The following NDUFB5 variants were observed in gnomAD, a reference collection of about 807,000 sequenced individuals.
NDUFB5 encodes NADH:ubiquinone oxidoreductase subunit B5.
In NDUFB5, 19 loss-of-function variants were observed where a neutral mutation model predicts 19.4. That is an observed-to-expected ratio of 0.98 (90% CI 0.68 to 1.43). The LOEUF (loss-of-function observed/expected upper bound fraction) is 1.43, where lower values mean the gene tolerates loss of function less well. NDUFB5 is among the 40% of genes most tolerant of loss of function. NDUFB5 has a pLI of 0.00. For synonymous variants in NDUFB5, 80 were observed against 82.6 expected (o/e 0.97, Z 0.17); for missense variants, 233 against 236.5 (o/e 0.99, Z 0.10).
At chr3:179,612,712 G>A (rs1719278137) in intron 1 of NDUFB5, among the ~76,000 whole-genome samples, 1 of 151,846 alleles carries the variant, frequency 6.6e-6, no homozygotes, top group Non-Finnish European at 1.5e-5. Flanking sequence ...TCCTGATCTC[G>A]TGAGCCGCCC....
chr3:179,622,549 AC>A (rs1719566688), intron 5 of NDUFB5, among the ~76,000 whole-genome samples: 1 of 152,198 alleles, frequency 6.6e-6, no homozygotes, highest in African/African-American at 2.4e-5. Flanking sequence ...GTTACTACAT[AC>A]AGATTCTCCT....
At chr3:179,615,371 A>G (rs1719350393) in intron 2 of NDUFB5, 1 of 257,192 alleles carries the variant, frequency 3.9e-6, no homozygotes, top group Non-Finnish European at 7.9e-6. Context: ...TTAAATTACC[A>G]AAGAACTTGT....
intron 1 of NDUFB5, among the ~76,000 whole-genome samples, chr3:179,611,923 G>A: frequency 6.6e-6 from 1 of 151,942 alleles, no homozygotes; most frequent in Middle Eastern, 3.2e-3. Context: ...GTGTCAGGAG[G>A]TTCAGGGTTC....
chr3:179,624,996 G>A lies in NDUFB5; in HGVS notation c.*956G>A. ...CAGTAAAGACTGTTTCGCTGTGTTG[G>A]CCAGGCTGGTCTTGAACTTCTGACC... On this transcript the variant is annotated 3_prime_UTR_variant, in exon 6 of 6. Coordinates refer to ENST00000259037, the MANE Select transcript of NDUFB5 (RefSeq NM_002492.4). 1 of 151,804 alleles carries A rather than the reference G, an allele frequency of 6.6e-6. No homozygotes were observed. Among genetic ancestry groups the A allele is most frequent in the Non-Finnish European group, 1.5e-5 (1 of 67,954 alleles). The allele number at this position is 151,804 out of a possible 1,614,324, so 9.4% of individuals were successfully genotyped here. A position where few individuals can be genotyped will look rare whatever the true frequency, so the allele number is the denominator to read the frequency against.
At chr3:179,605,068 A>G in intron 1 of NDUFB5, 129 bp downstream of exon 1, 1 of 1,314,782 alleles carries the variant, frequency 7.6e-7, no homozygotes, top group East Asian at 2.8e-5. Flanking sequence ...GCTTGACAGG[A>G]GAGACGGAGC....
intron 5 of NDUFB5, among the ~76,000 whole-genome samples, chr3:179,620,330 G>A (rs1011821863): frequency 6.6e-6 from 1 of 151,592 alleles, no homozygotes; most frequent in Non-Finnish European, 1.5e-5. Flanking sequence ...TATGGTTTTA[G>A]GTCTAACATT....
chr3:179,616,538 TC>T lies in NDUFB5; in HGVS notation c.281-436del, dbSNP rs879760571. Among the ~76,000 whole-genome samples the T allele has an allele frequency of 3.0e-3, 431 of 143,752 alleles. 2 individuals are homozygous for T. The highest frequency in any genetic ancestry group is 4.4e-3 in the Admixed American group (63 of 14,312). The allele number at this position is 143,752 out of a possible 152,430, so 94.3% of individuals were successfully genotyped here. ...GCCCGGGCAACAGAGTGAGACTCTG[TC>T]CCCCCCCCAAAAAAAAACTATAATC... On this transcript the variant is annotated intron_variant, in intron 3 of 5. Coordinates refer to ENST00000259037, the MANE Select transcript of NDUFB5 (RefSeq NM_002492.4).
chr3:179,619,809 C>T (rs1037974399), intron 5 of NDUFB5, among the ~76,000 whole-genome samples: 1 of 152,120 alleles, frequency 6.6e-6, no homozygotes, highest in Admixed American at 6.6e-5. Context: ...GTTTACAGTC[C>T]CACCAACAGT....
At chr3:179,605,026 C>A in intron 1 of NDUFB5, 87 bp downstream of exon 1, 1 of 1,423,136 alleles carries the variant, frequency 7.0e-7, no homozygotes. Flanking sequence ...TGGTGGGATC[C>A]GGAGGGAGCC....
Position 179,627,275 on chromosome 3 carries a change from A to T in NDUFB5, c.*3235A>T, listed in dbSNP as rs1440877094. The T allele has an allele frequency of 6.6e-6, 1 of 152,218 alleles. No individual in the cohort carries two copies. Among genetic ancestry groups the T allele is most frequent in the Non-Finnish European group, 1.5e-5 (1 of 68,042 alleles). 9.4% of individuals were successfully genotyped at this position (152,218 alleles called of 1,614,324 possible). The stretch of plus-strand genomic sequence containing the variant: ...AAGAAAACCCAATTCCCCCTGAGAA[A>T]GAGAAAGAGCTGGAGTCCTTTAAAA... On this transcript the variant is annotated 3_prime_UTR_variant, in exon 6 of 6. Coordinates refer to ENST00000259037, the MANE Select transcript of NDUFB5 (RefSeq NM_002492.4).
chr3:179,623,814 A>T (rs1235934862), intron 5 of NDUFB5, 106 bp from the exon 6 acceptor site: 1 of 1,386,886 alleles, frequency 7.2e-7, no homozygotes, highest in African/African-American at 1.4e-5. Flanking sequence ...GGAGCATTAT[A>T]CTTTACATAA....
chr3:179,616,062 C>T lies in NDUFB5; in HGVS notation c.280+13C>T. The T allele has an allele frequency of 1.2e-6, 2 of 1,606,986 alleles. No individual in the cohort carries two copies. The highest frequency in any genetic ancestry group is 4.5e-5 in the East Asian group (2 of 44,778). On this transcript the variant is annotated intron_variant, in intron 3 of 5. Transcript: ENST00000259037. ...AATGTATTCATTGGTAAGTCACTTC[C>T]ATCCCCTGCCAGCACCACCAGATTG...
At position 179,626,199 on chromosome 3, in the gene NDUFB5, A is replaced by G. The variant is rs964507510; in HGVS notation, c.*2159A>G. ...ATTATGGTTGAGCATTTTTTCACAT[A>G]TCTAATGGCCATTCATATGTCTTCC... On this transcript the variant is annotated 3_prime_UTR_variant, in exon 6 of 6. Coordinates refer to ENST00000259037, the MANE Select transcript of NDUFB5 (RefSeq NM_002492.4). The G allele has an allele frequency of 6.6e-6, 1 of 151,904 alleles. No homozygotes were observed. Among genetic ancestry groups the G allele is most frequent in the Admixed American group, 6.6e-5 (1 of 15,242 alleles). 9.4% of individuals were successfully genotyped at this position (151,904 alleles called of 1,614,324 possible).
Position 179,625,943 on chromosome 3 carries a change from A to T in NDUFB5, c.*1903A>T, listed in dbSNP as rs533028230. 1.3e-5 allele frequency: 2 copies of T among 152,338 alleles called. No homozygotes were observed. Among genetic ancestry groups the T allele is most frequent in the East Asian group, 3.9e-4 (2 of 5,184 alleles). 9.4% of individuals were successfully genotyped at this position (152,338 alleles called of 1,614,324 possible). On this transcript the variant is annotated 3_prime_UTR_variant, in exon 6 of 6. Transcript: ENST00000259037. ...TATATCCATTTATCTGTTGATGGACACAGGTTGCAAAGGGATTGCTGGATT... is the reference window on the plus strand; with the variant it reads ...TATATCCATTTATCTGTTGATGGACTCAGGTTGCAAAGGGATTGCTGGATT...
chr3:179,611,872 A>C (rs1719251155), intron 1 of NDUFB5, among the ~76,000 whole-genome samples: 1 of 152,144 alleles, frequency 6.6e-6, no homozygotes, highest in Non-Finnish European at 1.5e-5. Flanking sequence ...TTAATGGAGA[A>C]ATTTCAGGCT....
chr3:179,608,666 T>C (rs1719164517), intron 1 of NDUFB5, among the ~76,000 whole-genome samples: 1 of 149,382 alleles, frequency 6.7e-6, no homozygotes, highest in Non-Finnish European at 1.5e-5. Flanking sequence ...AATCTATAAT[T>C]AAGGTCTGAG....
At chr3:179,623,478 A>G (rs1170860970) in intron 5 of NDUFB5, among the ~76,000 whole-genome samples, 1 of 152,198 alleles carries the variant, frequency 6.6e-6, no homozygotes, top group Non-Finnish European at 1.5e-5. Context: ...GTTAGAGACC[A>G]GCCTGGCCAA....
chr3:179,605,058 G>T, intron 1 of NDUFB5, 119 bp downstream of exon 1: 2 of 1,363,968 alleles, frequency 1.5e-6, no homozygotes, highest in Non-Finnish European at 1.9e-6. Flanking sequence ...TGGGCTTGGG[G>T]CTTGACAGGA....
rs1365435179 is a variant in NDUFB5, at chr3:179,624,091, TAATA to T, written c.*56_*59del. 6.9e-5 allele frequency: 102 copies of T among 1,486,462 alleles called. No homozygotes were observed. Among genetic ancestry groups the T allele is most frequent in the Non-Finnish European group, 9.1e-5 (99 of 1,091,622 alleles). The allele number at this position is 1,486,462 out of a possible 1,614,324, so 92.1% of individuals were successfully genotyped here. On this transcript the variant is annotated 3_prime_UTR_variant, in exon 6 of 6. Transcript: ENST00000259037. Reference sequence around the variant, plus strand: ...ATATTCTCTTTATTGGAAAATAAATTAATAAATATATTCTGTATTTTTGCTCTCC... The same window carrying T: ...ATATTCTCTTTATTGGAAAATAAATTAATATATTCTGTATTTTTGCTCTCC...
Sources: allele counts gnomAD v4.1 joint callset (sites outside exome capture counted in the v4.1 genomes callset), GRCh38; gene constraint gnomAD v4.1.1; transcripts MANE v1.5; gene names NCBI Gene and HGNC (gene_info 2026-07-23, HGNC 2026-07-21).